PAQR6: variants seen among roughly 807,000 people sequenced by gnomAD.
PAQR6 encodes progestin and adipoQ receptor family member 6.
In PAQR6, 34 loss-of-function variants were observed where a neutral mutation model predicts 36.2. The ratio of observed to expected loss-of-function variants is 0.94; its 90% CI spans 0.71 to 1.25. The LOEUF (loss-of-function observed/expected upper bound fraction) is 1.25, where lower values mean the gene tolerates loss of function less well. Among genes scored for constraint, PAQR6 ranks in the 50% most tolerant of loss-of-function variants. PAQR6 has a pLI of 0.00. For synonymous variants in PAQR6, 190 were observed against 190.7 expected, an observed-to-expected ratio of 1.00 and a Z score of 0.03; for missense variants, 431 against 445.7, an observed-to-expected ratio of 0.97 and a Z score of 0.30.
rs1439014281 is a variant in PAQR6 at position 156,244,155 on chromosome 1, C to A, written c.1009G>T (p.Gly337Trp). 10 of 1,605,208 alleles carry A rather than the reference C, an allele frequency of 6.2e-6. No homozygotes were observed. The highest frequency in any genetic ancestry group is 8.5e-6 in the Non-Finnish European group (10 of 1,173,024). ...CACTGTTGTTTGGCCTGGGTACCCC[C>A]CTCCAGTGGGCCACCCTGCAGCAGA... ...CPLLQGGPLE[G>W]GTQAKQQ The change falls in exon 8 of 8, where the codon GGG becomes TGG. Residue 337 changes from glycine to tryptophan, a missense_variant. Transcript: ENST00000292291.
rs550371986 is a variant in PAQR6 at position 156,244,357 on chromosome 1, G to T, written c.807C>A (p.His269Gln). ...LFHICAVLGTHFQLEAVLADM... is the reference protein window; with the variant it reads ...LFHICAVLGTQFQLEAVLADM... ...CAGCCAGCACTGCCTCCAGCTGGAA[G>T]TGGGTGCCCAGCACTGCACAGATGT... Residue 269 changes from histidine (H) to glutamine (Q), a missense_variant, in exon 8 of 8, where the codon CAC becomes CAA. Transcript: ENST00000292291. The T allele has an allele frequency of 1.8e-4, 283 of 1,581,384 alleles. 2 individuals are homozygous for T. The South Asian group carries it at 3.1e-3, about 17-fold the overall frequency.
rs148668012 is a variant in PAQR6 at position 156,245,849 on chromosome 1, G to T, written c.318C>A (p.Ser106=). The T allele has an allele frequency of 1.5e-4, 238 of 1,605,966 alleles. 2 individuals carry two copies. The Middle Eastern group carries it at 1.7e-3, about 11-fold the overall frequency. The part of the protein sequence containing the change: ...FASCCAHTFS[S]MSPRMRHICY... Reference sequence around the variant, plus strand: ...AGATGTGGCGCATGCGGGGCGACATGGAGCTGAAGGTGTGCGCGCAGCACG... The same window carrying T: ...AGATGTGGCGCATGCGGGGCGACATTGAGCTGAAGGTGTGCGCGCAGCACG... The change falls in exon 4 of 8, where the codon TCC becomes TCA. Residue 106 remains serine (S), a synonymous_variant. Transcript: ENST00000292291.
rs111972391 is a variant in PAQR6 at position 156,247,799 on chromosome 1, G to T, written c.-26+158C>A. 1,738 of 315,648 alleles carry T rather than the reference G, an allele frequency of 5.5e-3. 35 individuals are homozygous for T. The highest frequency in any genetic ancestry group is 0.035 in the African/African-American group (1,583 of 45,204). The allele number at this position is 315,648 out of a possible 1,614,324, so 19.6% of individuals were successfully genotyped here. A position where few individuals can be genotyped will look rare whatever the true frequency, so the allele number is the denominator to read the frequency against. ...GGGGGAGGAGTGAGGAATACGCTGG[G>T]GTCTAGCTGCCCTCACGGTGCCTTC... On this transcript the variant is annotated intron_variant, in intron 1 of 7. Coordinates refer to ENST00000292291, the MANE Select transcript of PAQR6 (RefSeq NM_198406.3).
Position 156,244,069 on chromosome 1 carries a change from T to C in PAQR6, c.*60A>G, listed in dbSNP as rs555959904. ...CACCTGATTAGGCCCAAATCTGGGC[T>C]CCTCGTCAGCACTGGGGCCTGGCCT... On this transcript the variant is annotated 3_prime_UTR_variant, in exon 8 of 8. Coordinates refer to ENST00000292291, the MANE Select transcript of PAQR6 (RefSeq NM_198406.3). 1 of 1,613,588 alleles carries C rather than the reference T, an allele frequency of 6.2e-7. No homozygotes were observed. Among genetic ancestry groups the C allele is most frequent in the African/African-American group, 1.3e-5 (1 of 74,906 alleles).
chr1:156,243,692 G>A lies in PAQR6; in HGVS notation c.*437C>T, dbSNP rs138743544. 1.6e-3 allele frequency: 1,348 copies of A among 846,700 alleles called. 10 individuals are homozygous for A. In the African/African-American group the frequency reaches 0.019, roughly 12 times the overall value. The allele number at this position is 846,700 out of a possible 1,614,324, so 52.4% of individuals were successfully genotyped here. ...GGTTTGTGGGGATGGGGGGGCAAGT[G>A]TGTGGCCTCTCGGCCTGGTTAGCAA... is the stretch of plus-strand genomic sequence containing the variant. On this transcript the variant is annotated 3_prime_UTR_variant, in exon 8 of 8. Coordinates refer to ENST00000292291, the MANE Select transcript of PAQR6 (RefSeq NM_198406.3).
intron 3 of PAQR6, 25 bp downstream of exon 3, chr1:156,246,098 G>A (rs1572544294): frequency 6.2e-7 from 1 of 1,608,992 alleles, no homozygotes; most frequent in African/African-American, 1.3e-5. Flanking sequence ...TCAAGGCCGC[G>A]GCCTGGGGCG....
intron 7 of PAQR6, 88 bp downstream of exon 7, chr1:156,244,673 C>G (rs762771998): frequency 1.3e-6 from 2 of 1,598,722 alleles, no homozygotes; most frequent in Non-Finnish European, 1.7e-6. Flanking sequence ...CATCCTGGGG[C>G]TGTAATACCC....
Position 156,243,851 on chromosome 1 carries a change from AG to A in PAQR6, c.*277del. 2 of 1,581,736 alleles carry A rather than the reference AG, an allele frequency of 1.3e-6. No homozygotes were observed. The highest frequency in any genetic ancestry group is 1.7e-6 in the Non-Finnish European group (2 of 1,160,384). ...CCCCCGCCAACCTTTGACAGAATATAGGGGCATCTTCAGCCTGGACACGCAT... is the reference window on the plus strand; with the variant it reads ...CCCCCGCCAACCTTTGACAGAATATAGGGCATCTTCAGCCTGGACACGCAT... On this transcript the variant is annotated 3_prime_UTR_variant, in exon 8 of 8. Transcript: ENST00000292291.
At chr1:156,247,082 AG>A (rs1487708420) in intron 1 of PAQR6, among the ~76,000 whole-genome samples, 1 of 152,060 alleles carries the variant, frequency 6.6e-6, no homozygotes, top group Non-Finnish European at 1.5e-5. Flanking sequence ...TTTTTGTCTC[AG>A]GAAGAATCCT....
chr1:156,246,855 G>C, intron 1 of PAQR6, 99 bp from the exon 2 acceptor site: 2 of 1,011,812 alleles, frequency 2.0e-6, no homozygotes, highest in Non-Finnish European at 2.9e-6. Context: ...CGTGTGGGAG[G>C]CAGATGGCAC....
intron 1 of PAQR6, chr1:156,247,722 A>G (rs1660857815): frequency 4.9e-6 from 1 of 202,208 alleles, no homozygotes; most frequent in African/African-American, 2.4e-5. Context: ...GCTCGCTCCC[A>G]CAAGTGGGAT....
intron 6 of PAQR6, 32 bp from the exon 7 acceptor site, chr1:156,244,943 G>A (rs1041425009): frequency 1.2e-6 from 2 of 1,604,004 alleles, no homozygotes; most frequent in Non-Finnish European, 1.7e-6. Context: ...TGCTGGGGAG[G>A]GACTCGGGAG....
At chr1:156,245,331 A>C in intron 5 of PAQR6, 93 bp from the exon 6 acceptor site, 1 of 1,394,846 alleles carries the variant, frequency 7.2e-7, no homozygotes, top group Non-Finnish European at 1.0e-6. Flanking sequence ...ATGGAATATC[A>C]GCACAGCCTG....
Position 156,247,838 on chromosome 1 carries a change from G to A in PAQR6, c.-26+119C>T, listed in dbSNP as rs555078989. 11 of 346,524 alleles carry A rather than the reference G, an allele frequency of 3.2e-5. No individual in the cohort carries two copies. The East Asian group carries it at 8.3e-4, about 26-fold the overall frequency. 21.5% of individuals were successfully genotyped at this position (346,524 alleles called of 1,614,324 possible). A position where few individuals can be genotyped will look rare whatever the true frequency, so the allele number is the denominator to read the frequency against. ...CACGGTGCCTTCCCTTAGTAGTAGG[G>A]TTTGGAGATCTCTGGAGTGGAGTGT... On this transcript the variant is annotated intron_variant, in intron 1 of 7. Coordinates refer to ENST00000292291, the MANE Select transcript of PAQR6 (RefSeq NM_198406.3).
intron 6 of PAQR6, 67 bp downstream of exon 6, chr1:156,245,075 G>C: frequency 1.2e-6 from 2 of 1,603,182 alleles, no homozygotes; most frequent in Non-Finnish European, 8.5e-7. Flanking sequence ...GGCAGGGCTG[G>C]AAGTGGGCAC....
intron 6 of PAQR6, 38 bp from the exon 7 acceptor site, chr1:156,244,949 G>T: frequency 6.2e-7 from 1 of 1,601,722 alleles, no homozygotes; most frequent in South Asian, 1.1e-5. Flanking sequence ...GGAGGGACTC[G>T]GGAGCCGAAA....
chr1:156,246,840 C>T, intron 1 of PAQR6, 84 bp from the exon 2 acceptor site: 6 of 1,234,932 alleles, frequency 4.9e-6, no homozygotes, highest in Non-Finnish European at 6.8e-6. Context: ...GCAGGATGGG[C>T]TGTGCGTGTG....
At position 156,245,958 on chromosome 1, in the gene PAQR6, G is replaced by T; in HGVS notation, c.209C>A (p.Ala70Glu). ...CTCCGCACGGAAGCCGGGGCCGCCC[G>T]CCAGCGCCAGGAGCCGCCACAGGAA... ...WYFLWRLLAL[A>E]GGPGFRAEPY... Residue 70 changes from alanine (A) to glutamate (E), a missense_variant, in exon 4 of 8, where the codon GCG becomes GAG. Transcript: ENST00000292291. 6.5e-7 allele frequency: 1 copy of T among 1,543,730 alleles called. No homozygotes were observed.
chr1:156,244,996 C>A, intron 6 of PAQR6, 85 bp from the exon 7 acceptor site: 2 of 1,591,798 alleles, frequency 1.3e-6, no homozygotes. Context: ...GGACGCAGAG[C>A]GGGCGGGCAC....
Sources: gnomAD v4.1 joint callset for allele counts (sites outside exome capture counted in the v4.1 genomes callset) on GRCh38, gnomAD v4.1.1 for gene constraint, MANE v1.5 for transcripts, NCBI Gene and HGNC (gene_info 2026-07-23, HGNC 2026-07-21) for gene names.